The following HLCS variants were observed in gnomAD, a reference collection of about 807,000 sequenced individuals.
The protein encoded by HLCS is biotin--protein ligase.
In HLCS, 53 loss-of-function variants were observed where a neutral mutation model predicts 75.0. The ratio of observed to expected loss-of-function variants is 0.71; its 90% CI spans 0.57 to 0.89. HLCS has a LOEUF of 0.89. Among genes scored for constraint, HLCS ranks in the 40% least tolerant of loss-of-function variants. The pLI is 0.00. For missense variants in HLCS, 966 were observed against 1,074.0 expected (o/e 0.90, Z 1.41); for synonymous variants, 431 against 428.6 (o/e 1.01, Z -0.07).
chr21:36,761,812 C>T (rs2000549), intron 8 of HLCS, among the ~76,000 whole-genome samples: 61,662 of 151,986 alleles, frequency 0.41, 14,177 homozygotes, highest in East Asian at 0.64. Flanking sequence ...CTGTGCCCAC[C>T]ACATGGCCAG....
intron 6 of HLCS, among the ~76,000 whole-genome samples, chr21:36,810,414 G>A (rs997717261): frequency 6.6e-6 from 1 of 152,106 alleles, no homozygotes; most frequent in African/African-American, 2.4e-5. Context: ...AGAATTTGGG[G>A]ATCCCCTCTC....
At chr21:36,798,032 A>G (rs537732554) in intron 6 of HLCS, among the ~76,000 whole-genome samples, 1 of 152,326 alleles carries the variant, frequency 6.6e-6, no homozygotes, top group South Asian at 2.1e-4. Flanking sequence ...CCTCTCTGAT[A>G]AGCTAACACG....
intron 6 of HLCS, among the ~76,000 whole-genome samples, chr21:36,843,184 A>G (rs2062673720): frequency 6.6e-6 from 1 of 152,270 alleles, no homozygotes; most frequent in Non-Finnish European, 1.5e-5. Flanking sequence ...CACATCTGCA[A>G]TCCTAACACT....
At chr21:36,860,294 C>G (rs1569111943) in intron 6 of HLCS, among the ~76,000 whole-genome samples, 1 of 149,456 alleles carries the variant, frequency 6.7e-6, no homozygotes, top group African/African-American at 2.4e-5. Context: ...GGGACTCAAG[C>G]CAGGGTGATC....
At chr21:36,920,779 C>T (rs2066130744) in intron 5 of HLCS, among the ~76,000 whole-genome samples, 2 of 152,154 alleles carry the variant, frequency 1.3e-5, no homozygotes, top group African/African-American at 4.8e-5. Flanking sequence ...GCAAAACCTT[C>T]AAAATTATAG....
At chr21:36,845,959 A>G (rs1446946928) in intron 6 of HLCS, among the ~76,000 whole-genome samples, 1 of 152,142 alleles carries the variant, frequency 6.6e-6, no homozygotes, top group Admixed American at 6.5e-5. Flanking sequence ...CTAGATTCAA[A>G]TTCTGCACTT....
chr21:36,870,260 G>A (rs749178663), intron 6 of HLCS, among the ~76,000 whole-genome samples: 6 of 151,978 alleles, frequency 3.9e-5, no homozygotes, highest in Non-Finnish European at 7.4e-5. Flanking sequence ...GCATCTCCCC[G>A]GGAACCTCAT....
intron 6 of HLCS, among the ~76,000 whole-genome samples, chr21:36,792,398 G>A (rs1199933505): frequency 7.0e-6 from 1 of 143,872 alleles, no homozygotes; most frequent in East Asian, 2.2e-4. Context: ...CAACCGTTTA[G>A]ACCTGCAAAA....
chr21:36,800,126 A>G (rs2061153354), intron 6 of HLCS, among the ~76,000 whole-genome samples: 1 of 152,098 alleles, frequency 6.6e-6, no homozygotes, highest in Admixed American at 6.6e-5. Flanking sequence ...GTGAGCTCAA[A>G]TGACCCCGCA....
intron 6 of HLCS, among the ~76,000 whole-genome samples, chr21:36,894,269 C>T (rs2064918650): frequency 6.6e-6 from 1 of 152,218 alleles, no homozygotes; most frequent in Non-Finnish European, 1.5e-5. Flanking sequence ...GCCAATTAAA[C>T]CTCTTTTCTT....
chr21:36,798,840 G>T (rs1053725140), intron 6 of HLCS, among the ~76,000 whole-genome samples: 3 of 152,132 alleles, frequency 2.0e-5, no homozygotes, highest in Non-Finnish European at 4.4e-5. Flanking sequence ...TTTCTTTGCT[G>T]AAGTGTCTTT....
intron 6 of HLCS, among the ~76,000 whole-genome samples, chr21:36,860,335 T>C (rs1012182318): frequency 8.8e-5 from 13 of 147,834 alleles, no homozygotes; most frequent in East Asian, 4.1e-4. Flanking sequence ...CTCCAGGAAG[T>C]CACACCCCTC....
intron 8 of HLCS, 38 bp downstream of exon 8, chr21:36,764,974 C>A (rs1175140422): frequency 6.2e-7 from 1 of 1,606,696 alleles, no homozygotes; most frequent in East Asian, 2.2e-5. Flanking sequence ...ATTCTGCATG[C>A]ATCCCAGGGA....
At chr21:36,923,939 A>C (rs1473845755) in intron 5 of HLCS, among the ~76,000 whole-genome samples, 2 of 152,244 alleles carry the variant, frequency 1.3e-5, no homozygotes, top group African/African-American at 4.8e-5. Context: ...ATTCATAGCT[A>C]TAAAAGCTTT....
At chr21:36,977,629 T>G (rs1376965474) in intron 1 of HLCS, among the ~76,000 whole-genome samples, 1 of 152,214 alleles carries the variant, frequency 6.6e-6, no homozygotes, top group African/African-American at 2.4e-5. Flanking sequence ...TGAGCCTGTG[T>G]GAGTTGCCGT....
At chr21:36,906,818 C>G (rs942206965) in intron 5 of HLCS, among the ~76,000 whole-genome samples, 1 of 151,892 alleles carries the variant, frequency 6.6e-6, no homozygotes, top group African/African-American at 2.4e-5. Flanking sequence ...TGCAGTATAT[C>G]AAGACGGTGT....
At chr21:36,974,430 T>C (rs1336391034) in intron 1 of HLCS, 2 of 152,282 alleles carry the variant, frequency 1.3e-5, no homozygotes, top group Non-Finnish European at 2.9e-5. Context: ...ACTCCTCCCT[T>C]GGGTTCTTTT....
chr21:36,949,445 T>A (rs2067567144), intron 2 of HLCS, among the ~76,000 whole-genome samples: 1 of 152,186 alleles, frequency 6.6e-6, no homozygotes, highest in Non-Finnish European at 1.5e-5. Flanking sequence ...CCTCACAGTA[T>A]GGGAGCTGGA....
chr21:36,897,521 T>C (rs2065062263), intron 5 of HLCS, among the ~76,000 whole-genome samples: 1 of 152,146 alleles, frequency 6.6e-6, no homozygotes, highest in Non-Finnish European at 1.5e-5. Flanking sequence ...CATTATCCTA[T>C]TTGCAAAAAC....
Sources: allele counts gnomAD v4.1 joint callset (sites outside exome capture counted in the v4.1 genomes callset), GRCh38; gene constraint gnomAD v4.1.1; transcripts MANE v1.5; gene names NCBI Gene and HGNC (gene_info 2026-07-23, HGNC 2026-07-21).